Variants in BLTP1 observed in about 807,000 individuals in gnomAD.
The protein encoded by BLTP1 is bridge-like lipid transfer protein family member 1.
the BLTP1 span, chr4:122,222,056 G>A: frequency 4.3e-6 from 1 of 232,968 alleles, no homozygotes; most frequent in Non-Finnish European, 7.0e-6. Flanking sequence ...AGTTCATGGA[G>A]TAGAGATACC....
At chr4:122,205,641 TTC>T in the BLTP1 span, among the ~76,000 whole-genome samples, 101,157 of 105,720 alleles carry the variant, frequency 0.96, 48,564 homozygotes, top group East Asian at 0.99. Flanking sequence ...TTCCCCCCCC[TTC>T]TCTCTCTCTC....
chr4:122,303,398 A>C, the BLTP1 span, among the ~76,000 whole-genome samples: 1 of 152,358 alleles, frequency 6.6e-6, no homozygotes, highest in African/African-American at 2.4e-5. Context: ...GTGAAAATTT[A>C]CAAGGAAATT....
chr4:122,292,928 C>A, the BLTP1 span: 2 of 306,132 alleles, frequency 6.5e-6, no homozygotes, highest in African/African-American at 4.6e-5. Context: ...GGAAAGGAGC[C>A]TCAAGGAACT....
At chr4:122,154,853 C>A in the BLTP1 span, 1 of 440,272 alleles carries the variant, frequency 2.3e-6, no homozygotes, top group East Asian at 1.6e-4. Context: ...GCCTGGGCGA[C>A]AGAGCGAGAC....
At chr4:122,281,772 C>A in the BLTP1 span, 1 of 1,526,330 alleles carries the variant, frequency 6.6e-7, no homozygotes, top group Non-Finnish European at 8.8e-7. Context: ...CATGGAATGA[C>A]AGGTAATATT....
the BLTP1 span, among the ~76,000 whole-genome samples, chr4:122,282,510 C>A: frequency 6.6e-6 from 1 of 152,058 alleles, no homozygotes; most frequent in African/African-American, 2.4e-5. Context: ...GGCATGATGG[C>A]AGGCACCTGT....
chr4:122,334,944 T>G, the BLTP1 span, among the ~76,000 whole-genome samples: 1 of 152,046 alleles, frequency 6.6e-6, no homozygotes, highest in Admixed American at 6.6e-5. Flanking sequence ...TTTAGTGGCT[T>G]ACAACCTCAA....
At chr4:122,172,438 A>T in the BLTP1 span, 1 of 415,288 alleles carries the variant, frequency 2.4e-6, no homozygotes, top group Non-Finnish European at 3.2e-6. Flanking sequence ...CATTAAAAAA[A>T]TAAATTTAGA....
At chr4:122,197,208 G>A in the BLTP1 span, 6 of 1,311,772 alleles carry the variant, frequency 4.6e-6, no homozygotes, top group South Asian at 4.6e-5. Context: ...AACAAATGCT[G>A]TACATGTAAA....
At chr4:122,325,237 G>T in the BLTP1 span, 3 of 1,602,410 alleles carry the variant, frequency 1.9e-6, no homozygotes, top group African/African-American at 4.0e-5. Flanking sequence ...CAGTTCTCGA[G>T]TAGGAGAAAC....
chr4:122,158,289 G>A, the BLTP1 span, among the ~76,000 whole-genome samples: 16 of 152,198 alleles, frequency 1.1e-4, no homozygotes, highest in South Asian at 2.3e-3. Flanking sequence ...CCTTTCATTC[G>A]TGGTAGTTTC....
At chr4:122,236,702 G>A in the BLTP1 span, 3 of 881,058 alleles carry the variant, frequency 3.4e-6, no homozygotes, top group South Asian at 1.6e-4. Context: ...ATATTTGCAG[G>A]GAATTTATAC....
the BLTP1 span, chr4:122,346,599 T>C: frequency 1.2e-6 from 2 of 1,607,398 alleles, no homozygotes; most frequent in Non-Finnish European, 1.7e-6. Context: ...AAATCTGTAC[T>C]AACAAATGTT....
At chr4:122,315,356 G>T in the BLTP1 span, 1 of 1,402,832 alleles carries the variant, frequency 7.1e-7, no homozygotes. Flanking sequence ...GACAAGTTTA[G>T]CAGTGAAAGA....
chr4:122,242,171 C>G, the BLTP1 span, among the ~76,000 whole-genome samples: 4 of 152,164 alleles, frequency 2.6e-5, no homozygotes, highest in South Asian at 8.3e-4. Flanking sequence ...GATGTCTGTA[C>G]TCCCATGTTA....
the BLTP1 span, among the ~76,000 whole-genome samples, chr4:122,232,467 G>GTCC: frequency 6.6e-6 from 1 of 152,020 alleles, no homozygotes. Flanking sequence ...CTGTCCCTGA[G>GTCC]TCCTATAGGG....
the BLTP1 span, chr4:122,355,825 A>AAT: frequency 6.2e-7 from 1 of 1,605,520 alleles, no homozygotes; most frequent in South Asian, 1.1e-5. Flanking sequence ...TGTTGATGCT[A>AAT]ACAACACTGA....
At chr4:122,354,568 G>A in the BLTP1 span, among the ~76,000 whole-genome samples, 1 of 151,252 alleles carries the variant, frequency 6.6e-6, no homozygotes. Flanking sequence ...TGGGTTTATA[G>A]TATTGCTTTT....
At chr4:122,298,996 T>C in the BLTP1 span, 67,039 of 985,244 alleles carry the variant, frequency 0.068, 2,475 homozygotes, top group Middle Eastern at 0.076. Flanking sequence ...GCAACACAGG[T>C]GCTTTATACT....
Sources: gnomAD v4.1 joint callset for allele counts (sites outside exome capture counted in the v4.1 genomes callset) on GRCh38, gnomAD v4.1.1 for gene constraint, MANE v1.5 for transcripts, NCBI Gene and HGNC (gene_info 2026-07-23, HGNC 2026-07-21) for gene names.